The following MDGA2 variants were observed in gnomAD, a reference collection of about 807,000 sequenced individuals.
The protein encoded by MDGA2 is MAM domain containing glycosylphosphatidylinositol anchor 2.
A neutral mutation model predicts 117.8 loss-of-function variants in MDGA2; 40 were observed. The observed-to-expected ratio is 0.34, with a 90% CI of 0.26 to 0.44. MDGA2 has a LOEUF of 0.44. MDGA2 is among the 20% of genes least tolerant of loss of function. The pLI is 1.00. For missense variants in MDGA2, 1,123 were observed against 1,250.6 expected (o/e 0.90, Z 1.54); for synonymous variants, 452 against 439.0 (o/e 1.03, Z -0.37).
intron 6 of MDGA2, among the ~76,000 whole-genome samples, chr14:47,076,069 A>C (rs1400680097): frequency 2.0e-5 from 3 of 152,276 alleles, no homozygotes; most frequent in Admixed American, 6.5e-5. Context: ...ACTTTTACTC[A>C]ATAAAATATT....
chr14:47,318,626 C>T (rs1014572369), intron 1 of MDGA2, among the ~76,000 whole-genome samples: 1 of 152,094 alleles, frequency 6.6e-6, no homozygotes. Flanking sequence ...GCAAGAACGG[C>T]ACCTGATTTT....
intron 2 of MDGA2, among the ~76,000 whole-genome samples, chr14:47,253,905 T>A (rs1371911719): frequency 1.3e-5 from 2 of 152,248 alleles, no homozygotes; most frequent in Non-Finnish European, 2.9e-5. Flanking sequence ...CAAACTTCAG[T>A]TATTTTCCTC....
chr14:47,399,563 C>G (rs1295882947), intron 1 of MDGA2, among the ~76,000 whole-genome samples: 1 of 152,134 alleles, frequency 6.6e-6, no homozygotes, highest in Non-Finnish European at 1.5e-5. Context: ...CTAAAACACC[C>G]TGCATAGCAT....
intron 2 of MDGA2, among the ~76,000 whole-genome samples, chr14:47,281,626 T>C (rs1888493250): frequency 6.6e-6 from 1 of 152,214 alleles, no homozygotes; most frequent in Non-Finnish European, 1.5e-5. Flanking sequence ...TTTAATTTCC[T>C]CAACATATTT....
intron 1 of MDGA2, among the ~76,000 whole-genome samples, chr14:47,647,864 T>C (rs930193809): frequency 2.0e-5 from 3 of 152,148 alleles, no homozygotes; most frequent in African/African-American, 7.2e-5. Flanking sequence ...ATAACTTATA[T>C]AGATCCATTT....
intron 3 of MDGA2, among the ~76,000 whole-genome samples, chr14:47,148,256 T>G (rs559351684): frequency 6.6e-6 from 1 of 152,254 alleles, no homozygotes; most frequent in East Asian, 1.9e-4. Flanking sequence ...ACCTCTAAAC[T>G]GGCAGAGCCC....
Position 47,348,962 on chromosome 14 carries a change from T to G in MDGA2, c.281-47412A>C, listed in dbSNP as rs1228128885. ...TATGTACTGAGAATCCAGTGGAGAT[T>G]GAAAGGATGGAAAAAATAAACTTAT... is the stretch of plus-strand genomic sequence containing the variant. On this transcript the variant is annotated intron_variant, in intron 1 of 16. Coordinates refer to ENST00000399232, the MANE Select transcript of MDGA2 (RefSeq NM_001113498.3). Among the ~76,000 whole-genome samples the G allele has an allele frequency of 2.0e-5, 3 of 152,280 alleles. No individual in the cohort carries two copies. In the East Asian group the frequency reaches 5.8e-4, roughly 29 times the overall value.
At chr14:47,171,139 A>G (rs1271686940) in intron 3 of MDGA2, among the ~76,000 whole-genome samples, 2 of 152,166 alleles carry the variant, frequency 1.3e-5, no homozygotes, top group African/African-American at 2.4e-5. Flanking sequence ...CGTTTTAAAA[A>G]ATTGCTTATT....
At chr14:47,615,721 G>C (rs1896937089) in intron 1 of MDGA2, among the ~76,000 whole-genome samples, 2 of 152,150 alleles carry the variant, frequency 1.3e-5, no homozygotes, top group Admixed American at 6.5e-5. Context: ...GCTTAGGTGA[G>C]AACTATTAGG....
intron 1 of MDGA2, among the ~76,000 whole-genome samples, chr14:47,656,143 G>A (rs2138280580): frequency 6.6e-6 from 1 of 152,274 alleles, no homozygotes; most frequent in Non-Finnish European, 1.5e-5. Context: ...ATTATAACTA[G>A]GTTTTGTCAG....
At chr14:47,020,515 T>C (rs1594534632) in intron 8 of MDGA2, among the ~76,000 whole-genome samples, 1 of 152,240 alleles carries the variant, frequency 6.6e-6, no homozygotes, top group East Asian at 1.9e-4. Flanking sequence ...CAAGGAGCAA[T>C]AGGCTCAAAT....
chr14:46,884,092 G>T lies in MDGA2; in HGVS notation c.2239-1871C>A, dbSNP rs554411050. Among the ~76,000 whole-genome samples the T allele has an allele frequency of 1.3e-5, 2 of 152,168 alleles. No homozygotes were observed. Among genetic ancestry groups the T allele is most frequent in the South Asian group, 4.1e-4 (2 of 4,828 alleles). On this transcript the variant is annotated intron_variant, in intron 10 of 16. Coordinates refer to ENST00000399232, the MANE Select transcript of MDGA2 (RefSeq NM_001113498.3). The surrounding 1 kb of genome is among the most constrained non-coding windows in gnomAD (Gnocchi z 4.1). ...CTATGACAAAGACATATTCTGTATA[G>T]ATGTACCATTGTTTCTGACATGCTC...
At chr14:47,186,062 T>C (rs1484579825) in intron 3 of MDGA2, among the ~76,000 whole-genome samples, 2 of 151,200 alleles carry the variant, frequency 1.3e-5, no homozygotes, top group Non-Finnish European at 3.0e-5. Flanking sequence ...AAGAAGAAAA[T>C]CCATTCATAA....
intron 2 of MDGA2, among the ~76,000 whole-genome samples, chr14:47,273,793 G>A (rs1888222679): frequency 6.6e-6 from 1 of 152,106 alleles, no homozygotes; most frequent in Non-Finnish European, 1.5e-5. Flanking sequence ...TCAGTTGTAT[G>A]CTCCCTATGC....
intron 5 of MDGA2, among the ~76,000 whole-genome samples, chr14:47,120,725 A>T (rs1379510038): frequency 1.3e-5 from 2 of 152,182 alleles, no homozygotes; most frequent in Non-Finnish European, 2.9e-5. Context: ...TGATGCTAAT[A>T]TATCTCTGAT....
At chr14:46,967,693 T>C (rs1886090059) in intron 8 of MDGA2, among the ~76,000 whole-genome samples, 1 of 152,162 alleles carries the variant, frequency 6.6e-6, no homozygotes, top group Admixed American at 6.5e-5. Context: ...CCATGCAAGA[T>C]ACATTCCAAG....
chr14:47,011,797 A>G (rs538009682), intron 8 of MDGA2, among the ~76,000 whole-genome samples: 2 of 152,218 alleles, frequency 1.3e-5, no homozygotes, highest in Admixed American at 1.3e-4. Context: ...ATCAGCATGT[A>G]GATAGCTCTG....
intron 1 of MDGA2, among the ~76,000 whole-genome samples, chr14:47,370,073 G>A (rs902161249): frequency 3.3e-5 from 5 of 151,442 alleles, no homozygotes; most frequent in South Asian, 2.1e-4. Context: ...TTCTTTTTTC[G>A]TTTTTTTCTC....
chr14:47,400,491 A>G (rs1306376054), intron 1 of MDGA2, among the ~76,000 whole-genome samples: 4 of 151,926 alleles, frequency 2.6e-5, no homozygotes, highest in African/African-American at 9.7e-5. Context: ...ATATTAAAAT[A>G]TACTTTGTAG....
Sources: allele counts gnomAD v4.1 joint callset (sites outside exome capture counted in the v4.1 genomes callset), GRCh38; gene constraint gnomAD v4.1.1; non-coding constraint Gnocchi (gnomAD v3.1); transcripts MANE v1.5; gene names NCBI Gene and HGNC (gene_info 2026-07-23, HGNC 2026-07-21).